The following PDSS2 variants were observed in gnomAD, a reference collection of about 807,000 sequenced individuals.
PDSS2 encodes the protein decaprenyl diphosphate synthase subunit 2, also known as all trans-polyprenyl-diphosphate synthase PDSS2.
In PDSS2, 31 loss-of-function variants were observed where a neutral mutation model predicts 44.5. That is an observed-to-expected ratio of 0.70 (90% CI 0.52 to 0.94). The LOEUF (loss-of-function observed/expected upper bound fraction) is 0.94. PDSS2 is among the 40% of genes least tolerant of loss of function. The pLI is 0.00. For missense variants in PDSS2, 452 were observed against 482.2 expected, an observed-to-expected ratio of 0.94 and a Z score of 0.59; for synonymous variants, 157 against 180.3, an observed-to-expected ratio of 0.87 and a Z score of 1.03.
chr6:107,330,243 G>T (rs977322753), intron 2 of PDSS2, among the ~76,000 whole-genome samples: 19 of 152,036 alleles, frequency 1.2e-4, no homozygotes, highest in Non-Finnish European at 1.5e-4. Flanking sequence ...TTATGGCCAG[G>T]AAATAGTAAA....
At chr6:107,222,374 G>A (rs1773636569) in intron 4 of PDSS2, among the ~76,000 whole-genome samples, 1 of 152,088 alleles carries the variant, frequency 6.6e-6, no homozygotes, top group Non-Finnish European at 1.5e-5. Flanking sequence ...GGTAAGGAGG[G>A]CCGGGCATGG....
chr6:107,438,849 T>C (rs1225171058), intron 1 of PDSS2, among the ~76,000 whole-genome samples: 2 of 152,246 alleles, frequency 1.3e-5, no homozygotes, highest in South Asian at 4.1e-4. Context: ...GTATAGGAGA[T>C]GAAGTTCTAA....
intron 7 of PDSS2, among the ~76,000 whole-genome samples, chr6:107,165,323 T>C (rs1771304021): frequency 1.3e-5 from 2 of 152,236 alleles, no homozygotes; most frequent in Non-Finnish European, 2.9e-5. Context: ...CTTTAATCCA[T>C]CTTGAATTAA....
chr6:107,405,415 C>T (rs940961841), intron 1 of PDSS2, among the ~76,000 whole-genome samples: 1 of 151,174 alleles, frequency 6.6e-6, no homozygotes, highest in Non-Finnish European at 1.5e-5. Context: ...CACAACAGAA[C>T]ACAAAACCAC....
At chr6:107,446,043 C>T (rs202001054) in intron 1 of PDSS2, among the ~76,000 whole-genome samples, 7 of 152,206 alleles carry the variant, frequency 4.6e-5, no homozygotes, top group East Asian at 1.9e-4. Context: ...ATTGGCCAGG[C>T]GCGGTGGCTC....
chr6:107,332,510 T>C (rs897114818), intron 2 of PDSS2, among the ~76,000 whole-genome samples: 2 of 152,174 alleles, frequency 1.3e-5, no homozygotes, highest in Non-Finnish European at 2.9e-5. Context: ...TTTAAAGATA[T>C]GCTTACAAGA....
Position 107,445,872 on chromosome 6 carries a change from C to T in PDSS2, c.296+13118G>A, listed in dbSNP as rs80231213. ...TGCCTGGGGATCACACGGTTAAGTA[C>T]TGACAGAGATGAAACTACAACACAC... On this transcript the variant is annotated intron_variant, in intron 1 of 7. Transcript: ENST00000369037. Among the ~76,000 whole-genome samples, 1,205 of 152,290 alleles carry T rather than the reference C, an allele frequency of 7.9e-3. 50 individuals are homozygous for T. In the East Asian group the frequency reaches 0.12, roughly 15 times the overall value.
At chr6:107,441,846 G>C (rs879777042) in intron 1 of PDSS2, among the ~76,000 whole-genome samples, 2 of 152,112 alleles carry the variant, frequency 1.3e-5, no homozygotes, top group Admixed American at 6.5e-5. Flanking sequence ...GACCACAGGG[G>C]TGGCCAACAC....
chr6:107,212,395 T>A, intron 4 of PDSS2, 113 bp from the exon 5 acceptor site: 1 of 819,092 alleles, frequency 1.2e-6, no homozygotes, highest in Non-Finnish European at 1.9e-6. Context: ...ACTCAGGCTA[T>A]TGGAACAAGA....
intron 2 of PDSS2, among the ~76,000 whole-genome samples, chr6:107,312,957 G>A (rs762408299): frequency 6.6e-6 from 1 of 152,156 alleles, no homozygotes; most frequent in Non-Finnish European, 1.5e-5. Flanking sequence ...AGACAAATAG[G>A]ATCAGAATTG....
intron 2 of PDSS2, among the ~76,000 whole-genome samples, chr6:107,309,850 T>G (rs1207440963): frequency 6.6e-6 from 1 of 152,240 alleles, no homozygotes; most frequent in East Asian, 1.9e-4. Context: ...ATATTTTACT[T>G]AAGTCCTAAA....
intron 1 of PDSS2, among the ~76,000 whole-genome samples, chr6:107,366,586 T>G (rs1778966634): frequency 6.6e-6 from 1 of 151,816 alleles, no homozygotes; most frequent in Admixed American, 6.6e-5. Flanking sequence ...AAAGTGACTA[T>G]TTGACCAAGA....
chr6:107,264,008 C>A (rs1317265703), intron 3 of PDSS2, among the ~76,000 whole-genome samples: 1 of 152,026 alleles, frequency 6.6e-6, no homozygotes, highest in Non-Finnish European at 1.5e-5. Context: ...AACTAAAGAG[C>A]CTAAAAGATA....
chr6:107,261,093 T>C (rs1258564140), intron 3 of PDSS2, among the ~76,000 whole-genome samples: 10 of 152,222 alleles, frequency 6.6e-5, no homozygotes, highest in Non-Finnish European at 1.2e-4. Flanking sequence ...ACTTTCTGAG[T>C]TAGGAGTTTA....
In PDSS2 at chr6:107,286,136, T is replaced by TAAAAAAAAAAAAAA. The variant is rs1554262539; in HGVS notation, c.432-11923_432-11910dup. Among the ~76,000 whole-genome samples, 8 of 128,732 alleles carry TAAAAAAAAAAAAAA rather than the reference T, an allele frequency of 6.2e-5. No homozygotes were observed. The East Asian group carries it at 1.7e-3, about 28-fold the overall frequency. The allele number at this position is 128,732 out of a possible 152,430, so 84.5% of individuals were successfully genotyped here. ...CAAGGAGCAAAACTTCGTCGCAAAA[T>TAAAAAAAAAAAAAA]AAAAAAAAAAAAAAGGAAAGAAAAG... is the stretch of plus-strand genomic sequence containing the variant. On this transcript the variant is annotated intron_variant, in intron 2 of 7. Transcript: ENST00000369037.
intron 2 of PDSS2, among the ~76,000 whole-genome samples, chr6:107,283,472 G>A (rs1450999111): frequency 2.0e-5 from 3 of 152,172 alleles, no homozygotes; most frequent in Non-Finnish European, 2.9e-5. Flanking sequence ...TGTAATTCCA[G>A]TACTTTGGGA....
At chr6:107,444,185 AC>A (rs1781596564) in intron 1 of PDSS2, among the ~76,000 whole-genome samples, 1 of 151,676 alleles carries the variant, frequency 6.6e-6, no homozygotes, top group African/African-American at 2.4e-5. Flanking sequence ...ACACCACCAC[AC>A]CCAGCTACTT....
intron 1 of PDSS2, among the ~76,000 whole-genome samples, chr6:107,336,919 C>T (rs1777919251): frequency 1.5e-5 from 2 of 131,842 alleles, no homozygotes; most frequent in African/African-American, 2.9e-5. Flanking sequence ...GGATATGATT[C>T]AGCAAGAACT....
At chr6:107,375,855 G>T (rs1779269035) in intron 1 of PDSS2, among the ~76,000 whole-genome samples, 1 of 152,162 alleles carries the variant, frequency 6.6e-6, no homozygotes, top group Non-Finnish European at 1.5e-5. Context: ...GTTATACTAA[G>T]AACAGAAGGT....
Sources: gnomAD v4.1 joint callset for allele counts (sites outside exome capture counted in the v4.1 genomes callset) on GRCh38, gnomAD v4.1.1 for gene constraint, MANE v1.5 for transcripts, NCBI Gene and HGNC (gene_info 2026-07-23, HGNC 2026-07-21) for gene names.